Variants in MED13 observed in about 807,000 individuals in gnomAD.
MED13 encodes mediator of RNA polymerase II transcription subunit 13.
A neutral mutation model predicts 225.2 loss-of-function variants in MED13; 23 were observed. That is an observed-to-expected ratio of 0.10 (90% CI 0.07 to 0.14). The LOEUF (loss-of-function observed/expected upper bound fraction) is 0.14, where lower values mean the gene tolerates loss of function less well. Ranked by LOEUF, MED13 falls within the 10% of genes least tolerant of loss-of-function variation. The pLI, the probability that MED13 is intolerant of heterozygous loss-of-function variation, is 1.00. For missense variants in MED13, 2,197 were observed against 2,594.5 expected (o/e 0.85, Z 3.33); for synonymous variants, 942 against 889.2 (o/e 1.06, Z -1.06).
Position 62,063,192 on chromosome 17 carries a change from C to T in MED13, c.176G>A (p.Arg59His). The change falls in exon 2 of 30, where the codon CGC becomes CAC. Residue 59 changes from arginine to histidine, a missense_variant. Arg to His is a conservative substitution (Grantham distance 29). Coordinates refer to ENST00000397786, the MANE Select transcript of MED13 (RefSeq NM_005121.3). ...ACCAAGTACATCTGCCTTAAGGCAG[C>T]GACTAAAACTGCTCAAAATGGGGTC... Reference protein sequence around the residue: ...EEDPILSSFSRCLKADVLGVW... With the variant: ...EEDPILSSFSHCLKADVLGVW... 3 of 1,614,130 alleles carry T rather than the reference C, an allele frequency of 1.9e-6. No individual in the cohort carries two copies. The highest frequency in any genetic ancestry group is 2.5e-6 in the Non-Finnish European group (3 of 1,180,008).
rs1177531882 is a variant in MED13, at chr17:61,943,428, C to G, written c.*3040G>C. The G allele has an allele frequency of 6.6e-6, 1 of 152,504 alleles. No homozygotes were observed. The highest frequency in any genetic ancestry group is 2.1e-4 in the South Asian group (1 of 4,832). 9.4% of individuals were successfully genotyped at this position (152,504 alleles called of 1,614,324 possible). Reference sequence around the variant, plus strand: ...AAAGATCTGCAAATCTTTGTAGTAACACATTAAGTTAAAAAATTACCTCAG... The same window carrying G: ...AAAGATCTGCAAATCTTTGTAGTAAGACATTAAGTTAAAAAATTACCTCAG... On this transcript the variant is annotated 3_prime_UTR_variant, in exon 30 of 30. Coordinates refer to ENST00000397786, the MANE Select transcript of MED13 (RefSeq NM_005121.3).
chr17:62,012,820 G>A (rs1351419926), intron 8 of MED13, among the ~76,000 whole-genome samples: 1 of 150,414 alleles, frequency 6.6e-6, no homozygotes, highest in African/African-American at 2.5e-5. Flanking sequence ...TTGAGACCGA[G>A]TCTCACTCTG....
chr17:61,947,192 A>AT (rs1428460275), intron 28 of MED13, among the ~76,000 whole-genome samples, 175 bp from the exon 29 acceptor site: 108 of 150,550 alleles, frequency 7.2e-4, no homozygotes, highest in African/African-American at 2.4e-3. Context: ...CATTATAGAA[A>AT]TGTTTTTTTT....
intron 3 of MED13, among the ~76,000 whole-genome samples, chr17:62,048,053 T>C (rs1001480495): frequency 2.1e-5 from 3 of 142,028 alleles, no homozygotes; most frequent in South Asian, 2.5e-4. Flanking sequence ...CATATATATA[T>C]ATATATATAT....
chr17:61,955,638 T>C, intron 25 of MED13, 42 bp downstream of exon 25: 1 of 1,563,874 alleles, frequency 6.4e-7, no homozygotes, highest in Non-Finnish European at 8.6e-7. Flanking sequence ...AAAACTTAAC[T>C]GCATAAAGAA....
chr17:62,003,599 C>CAAAAAAAAAAAAAAAAAAAAAAAAA lies in MED13; in HGVS notation c.1967+6950_1967+6951insTTTTTTTTTTTTTTTTTTTTTTTTT, dbSNP rs34451831. 6 of 51,738 alleles carry CAAAAAAAAAAAAAAAAAAAAAAAAA rather than the reference C, an allele frequency of 1.2e-4. 1 individual carries two copies. The highest frequency in any genetic ancestry group is 2.4e-4 in the African/African-American group (3 of 12,490). The allele number at this position is 51,738 out of a possible 1,614,324, so 3.2% of individuals were successfully genotyped here. ...CAGCCTGAGCAACAACAGCAAAACT[C>CAAAAAAAAAAAAAAAAAAAAAAAAA]AAAAAAAAAAAAAAAAAAAAAAGCA... is the stretch of plus-strand genomic sequence containing the variant. On this transcript the variant is annotated intron_variant, in intron 9 of 29. Coordinates refer to ENST00000397786, the MANE Select transcript of MED13 (RefSeq NM_005121.3).
At chr17:62,014,874 T>C (rs1004015383) in intron 8 of MED13, among the ~76,000 whole-genome samples, 7 of 152,230 alleles carry the variant, frequency 4.6e-5, no homozygotes, top group Non-Finnish European at 8.8e-5. Flanking sequence ...CAATAGTAGT[T>C]ACTAACACAG....
chr17:61,965,001 G>A lies in MED13; in HGVS notation c.4844+5C>T. Reference sequence around the variant, plus strand: ...TTCTGCAAAAATCAGTATTTTTAAAGGTACCTTTCAGACACATCAGGATGC... The same window carrying A: ...TTCTGCAAAAATCAGTATTTTTAAAAGTACCTTTCAGACACATCAGGATGC... On this transcript the variant is annotated splice_donor_5th_base_variant and intron_variant, in intron 20 of 29. Coordinates refer to ENST00000397786, the MANE Select transcript of MED13 (RefSeq NM_005121.3). 1 of 1,601,134 alleles carries A rather than the reference G, an allele frequency of 6.2e-7. No individual in the cohort carries two copies. The highest frequency in any genetic ancestry group is 2.2e-5 in the East Asian group (1 of 44,744).
chr17:61,987,307 C>CCTGCGCCT (rs2080256483), intron 11 of MED13, among the ~76,000 whole-genome samples, 179 bp from the exon 12 acceptor site: 1 of 152,004 alleles, frequency 6.6e-6, no homozygotes, highest in Non-Finnish European at 1.5e-5. Context: ...TGGTGGCAGG[C>CCTGCGCCT]GCATGTAATC....
At chr17:62,056,439 T>C (rs558481537) in intron 2 of MED13, among the ~76,000 whole-genome samples, 7 of 152,314 alleles carry the variant, frequency 4.6e-5, no homozygotes, top group African/African-American at 9.6e-5. Context: ...CAGAGCCTAA[T>C]AGAAAAAGTC....
intron 2 of MED13, among the ~76,000 whole-genome samples, chr17:62,056,610 T>A (rs1186146791): frequency 2.6e-5 from 4 of 151,654 alleles, no homozygotes; most frequent in Admixed American, 6.6e-5. Context: ...AAACTTTTTT[T>A]AGTTAGTAGG....
intron 9 of MED13, among the ~76,000 whole-genome samples, chr17:61,998,077 TAC>T (rs1288538853): frequency 6.6e-6 from 1 of 152,238 alleles, no homozygotes; most frequent in Non-Finnish European, 1.5e-5. Flanking sequence ...ATTTACATTA[TAC>T]ATTCTATATT....
intron 9 of MED13, chr17:62,005,813 G>A (rs953133169): frequency 9.8e-5 from 15 of 152,296 alleles, no homozygotes; most frequent in Admixed American, 9.2e-4. Context: ...TATCAGCATA[G>A]GAGTTTTGAC....
chr17:61,997,881 T>TA (rs1321492516), intron 9 of MED13, among the ~76,000 whole-genome samples: 4 of 152,020 alleles, frequency 2.6e-5, no homozygotes, highest in African/African-American at 9.7e-5. Flanking sequence ...GTAACATTAT[T>TA]AAAAAAACCA....
chr17:61,975,526 C>T (rs1167214182), intron 16 of MED13, among the ~76,000 whole-genome samples: 3 of 152,130 alleles, frequency 2.0e-5, no homozygotes, highest in African/African-American at 7.2e-5. Flanking sequence ...TAAAATGGTG[C>T]AGCTGCTATG....
chr17:62,058,733 T>C (rs762902624), intron 2 of MED13, among the ~76,000 whole-genome samples: 7 of 152,208 alleles, frequency 4.6e-5, no homozygotes, highest in Non-Finnish European at 1.0e-4. Flanking sequence ...TGGAATGTTA[T>C]AGTTTGGCTA....
At chr17:62,037,599 G>A (rs984338908) in intron 3 of MED13, among the ~76,000 whole-genome samples, 4 of 148,140 alleles carry the variant, frequency 2.7e-5, no homozygotes, top group African/African-American at 1.0e-4. Flanking sequence ...CCCAGGAGAC[G>A]CAGGTTGCAG....
intron 1 of MED13, among the ~76,000 whole-genome samples, chr17:62,064,577 CAT>C (rs1481301619): frequency 6.6e-6 from 1 of 152,106 alleles, no homozygotes; most frequent in Non-Finnish European, 1.5e-5. Context: ...AAAAAGAAAA[CAT>C]ATGAAATGGC....
chr17:61,995,815 C>A (rs1015108520), intron 9 of MED13, among the ~76,000 whole-genome samples: 2 of 151,412 alleles, frequency 1.3e-5, no homozygotes, highest in Non-Finnish European at 1.5e-5. Flanking sequence ...TTTTTTTTTA[C>A]TGCCATGAGT....
Sources: allele counts gnomAD v4.1 joint callset (sites outside exome capture counted in the v4.1 genomes callset), GRCh38; gene constraint gnomAD v4.1.1; transcripts MANE v1.5; gene names NCBI Gene and HGNC (gene_info 2026-07-23, HGNC 2026-07-21).